Variants in LRGUK observed in about 807,000 individuals in gnomAD.
The protein encoded by LRGUK is leucine rich repeats and guanylate kinase domain containing.
In LRGUK, 65 loss-of-function variants were observed where a neutral mutation model predicts 76.0. The ratio of observed to expected loss-of-function variants is 0.85; its 90% CI spans 0.70 to 1.05. The LOEUF (loss-of-function observed/expected upper bound fraction) is 1.05, where lower values mean the gene tolerates loss of function less well. Ranked by LOEUF, LRGUK falls within the 50% of genes least tolerant of loss-of-function variation. LRGUK has a pLI of 0.00. For missense variants in LRGUK, 758 were observed against 732.8 expected (o/e 1.03, Z -0.40); for synonymous variants, 268 against 265.6 (o/e 1.01, Z -0.09).
intron 6 of LRGUK, among the ~76,000 whole-genome samples, chr7:134,161,776 CG>C (rs1397047120): frequency 6.6e-6 from 1 of 150,542 alleles, no homozygotes; most frequent in East Asian, 1.9e-4. Context: ...CTACAAGCTC[CG>C]CCTCCCGGAT....
intron 6 of LRGUK, among the ~76,000 whole-genome samples, chr7:134,162,074 T>A (rs1215323358): frequency 6.6e-6 from 1 of 152,220 alleles, no homozygotes; most frequent in East Asian, 1.9e-4. Context: ...TTCTGATTAT[T>A]GAGGAAGATG....
At chr7:134,149,471 G>T (rs1798113559) in intron 5 of LRGUK, among the ~76,000 whole-genome samples, 3 of 152,132 alleles carry the variant, frequency 2.0e-5, no homozygotes, top group Admixed American at 2.0e-4. Context: ...GGACAACAGA[G>T]GGTACGTTTT....
At chr7:134,231,271 G>A (rs1801882533) in intron 16 of LRGUK, among the ~76,000 whole-genome samples, 1 of 152,096 alleles carries the variant, frequency 6.6e-6, no homozygotes, top group South Asian at 2.1e-4. Flanking sequence ...AGGAGGTGTG[G>A]CCATGTAAGA....
At chr7:134,246,552 C>T (rs1802306894) in intron 16 of LRGUK, among the ~76,000 whole-genome samples, 1 of 152,232 alleles carries the variant, frequency 6.6e-6, no homozygotes, top group Admixed American at 6.5e-5. Flanking sequence ...TGTGGTTTCA[C>T]CACCTTTCAC....
exon 16 of LRGUK, chr7:134,221,789 A>G: frequency 9.1e-6 from 14 of 1,538,384 alleles, no homozygotes; most frequent in Non-Finnish European, 1.2e-5. Context: ...ATGTTAAGAC[A>G]TCCCACCTGA....
At chr7:134,260,226 A>C (rs1042934111) in intron 19 of LRGUK, among the ~76,000 whole-genome samples, 3 of 152,086 alleles carry the variant, frequency 2.0e-5, no homozygotes, top group Non-Finnish European at 2.9e-5. Flanking sequence ...ATATTATAAT[A>C]TAATATATAA....
chr7:134,251,214 G>A (rs1770803760), intron 18 of LRGUK, among the ~76,000 whole-genome samples: 1 of 152,128 alleles, frequency 6.6e-6, no homozygotes, highest in South Asian at 2.1e-4. Context: ...AGGTCATATT[G>A]GAGTAGGGTG....
At chr7:134,127,528 C>T in exon 1 of LRGUK, 1 of 1,614,238 alleles carries the variant, frequency 6.2e-7, no homozygotes, top group East Asian at 2.2e-5. Flanking sequence ...AAAGGCAGCT[C>T]TAACATAGCC....
intron 12 of LRGUK, among the ~76,000 whole-genome samples, chr7:134,193,119 G>C (rs1339865287): frequency 6.6e-6 from 1 of 152,170 alleles, no homozygotes; most frequent in African/African-American, 2.4e-5. Flanking sequence ...ATATACAAGT[G>C]AGAAAATCCT....
chr7:134,247,521 A>T, intron 16 of LRGUK, 35 bp from the exon 17 acceptor site: 1 of 1,454,396 alleles, frequency 6.9e-7, no homozygotes, highest in Non-Finnish European at 9.6e-7. Flanking sequence ...CATTTTTAAC[A>T]TCAATGCAAT....
rs140352602 is a variant in LRGUK at position 134,181,309 on chromosome 7, A to G, written c.1215-2425A>G. Among the ~76,000 whole-genome samples the G allele has an allele frequency of 1.6e-4, 25 of 152,264 alleles. No homozygotes were observed. In the East Asian group the frequency reaches 4.8e-3, roughly 29 times the overall value. On this transcript the variant is annotated intron_variant, in intron 10 of 15. Transcript: ENST00000645682. ...ATGATCCACACCTTTTTCCTTGAAT[A>G]TATTAAAAATGTTACTCCATTGTCT...
At chr7:134,251,581 C>T (rs1019156657) in intron 18 of LRGUK, among the ~76,000 whole-genome samples, 2 of 152,174 alleles carry the variant, frequency 1.3e-5, no homozygotes, top group African/African-American at 4.8e-5. Flanking sequence ...TTTCTTTTCA[C>T]ATTCTTTCTG....
chr7:134,269,907 A>G, the LRGUK span, among the ~76,000 whole-genome samples: 3 of 152,180 alleles, frequency 2.0e-5, no homozygotes, highest in African/African-American at 7.2e-5. Flanking sequence ...TCCAATATCC[A>G]TTCATAATAA....
intron 16 of LRGUK, among the ~76,000 whole-genome samples, chr7:134,230,046 A>G (rs1801855196): frequency 6.6e-6 from 1 of 152,186 alleles, no homozygotes; most frequent in African/African-American, 2.4e-5. Flanking sequence ...CAGTACATTA[A>G]AACTAAGATC....
In LRGUK at chr7:134,163,559, T is replaced by A; in HGVS notation, c.939+19T>A. On this transcript the variant is annotated intron_variant, in intron 7 of 15. Transcript: ENST00000645682. Reference sequence around the variant, plus strand: ...TAATAAGGTAGTGTTGCACTTCACATGTCTTGGTTTCAGTGTTGACATAAG... The same window carrying A: ...TAATAAGGTAGTGTTGCACTTCACAAGTCTTGGTTTCAGTGTTGACATAAG... The A allele has an allele frequency of 6.3e-7, 1 of 1,593,156 alleles. No homozygotes were observed. Among genetic ancestry groups the A allele is most frequent in the Middle Eastern group, 1.7e-4 (1 of 5,968 alleles).
At position 134,135,822 on chromosome 7, in the gene LRGUK, A is replaced by AT. The variant is rs953539634; in HGVS notation, c.298-1194dup. 3.2e-4 allele frequency among the ~76,000 whole-genome samples: 49 copies of AT among 152,142 alleles called. No homozygotes were observed. In the East Asian group the frequency reaches 6.2e-3, roughly 19 times the overall value. ...AGGCGCCCGCCACCACATCCGGCTA[A>AT]TTTTTTTGTATTTTTAGTAGAGACG... is the stretch of plus-strand genomic sequence containing the variant. On this transcript the variant is annotated intron_variant, in intron 1 of 15. Transcript: ENST00000645682.
Position 134,185,375 on chromosome 7 carries a change from A to G in LRGUK, c.1334+1522A>G, listed in dbSNP as rs1353608854. On this transcript the variant is annotated intron_variant, in intron 11 of 15. Coordinates refer to ENST00000645682, the Ensembl canonical transcript of LRGUK. ...CAGGAGTTCGAGACCAGCCCAGTCA[A>G]CATGGCAAAATCTCTTCTCTACTAA... 4.6e-5 allele frequency among the ~76,000 whole-genome samples: 7 copies of G among 152,080 alleles called. No individual in the cohort carries two copies. The South Asian group carries it at 1.2e-3, about 27-fold the overall frequency.
chr7:134,136,601 G>C (rs73454658), intron 1 of LRGUK, among the ~76,000 whole-genome samples: 19,982 of 152,022 alleles, frequency 0.13, 1,621 homozygotes, highest in East Asian at 0.33. Flanking sequence ...ACCTCCAAAC[G>C]TTAATTCTTT....
At chr7:134,185,294 C>A (rs553217382) in intron 11 of LRGUK, among the ~76,000 whole-genome samples, 4 of 152,278 alleles carry the variant, frequency 2.6e-5, no homozygotes, top group South Asian at 4.1e-4. Context: ...AGACTAGTGG[C>A]TCACGCTTCT....
Sources: gnomAD v4.1 joint callset for allele counts (sites outside exome capture counted in the v4.1 genomes callset) on GRCh38, gnomAD v4.1.1 for gene constraint, MANE v1.5 for transcripts, NCBI Gene and HGNC (gene_info 2026-07-23, HGNC 2026-07-21) for gene names.